The following GALNT18 variants were observed in gnomAD, a reference collection of about 807,000 sequenced individuals.
GALNT18 encodes GalNAc-transferase 18.
GALNT18 carries 44 observed loss-of-function variants against 69.5 expected under a neutral mutation model. The observed-to-expected ratio is 0.63, with a 90% CI of 0.50 to 0.81. GALNT18 has a LOEUF of 0.81. Among genes scored for constraint, GALNT18 ranks in the 40% least tolerant of loss-of-function variants. The probability of loss-of-function intolerance (pLI) is 0.00; values close to 1 mark genes in which losing one functional copy is unlikely to be tolerated. For synonymous variants in GALNT18, 364 were observed against 318.2 expected (o/e 1.14, Z -1.53); for missense variants, 715 against 810.0 (o/e 0.88, Z 1.42).
chr11:11,335,613 T>A (rs1222368389), intron 7 of GALNT18, among the ~76,000 whole-genome samples: 2 of 152,224 alleles, frequency 1.3e-5, no homozygotes, highest in Non-Finnish European at 2.9e-5. Context: ...TCTTTGCAGA[T>A]ATAATTAATT....
At chr11:11,360,663 T>C (rs1290003633) in intron 6 of GALNT18, among the ~76,000 whole-genome samples, 5 of 152,188 alleles carry the variant, frequency 3.3e-5, no homozygotes, top group Non-Finnish European at 7.4e-5. Context: ...GGGTTTTTCT[T>C]GGTGGTAATG....
At chr11:11,442,537 A>G (rs1290436819) in intron 2 of GALNT18, among the ~76,000 whole-genome samples, 1 of 152,108 alleles carries the variant, frequency 6.6e-6, no homozygotes, top group Non-Finnish European at 1.5e-5. Flanking sequence ...TGCCCACCGA[A>G]CACTCAGAGC....
intron 1 of GALNT18, among the ~76,000 whole-genome samples, chr11:11,610,005 A>T (rs566905943): frequency 6.6e-6 from 1 of 152,214 alleles, no homozygotes; most frequent in Non-Finnish European, 1.5e-5. Context: ...TGGGGGAAAA[A>T]ATGATGCAGC....
intron 6 of GALNT18, among the ~76,000 whole-genome samples, chr11:11,365,650 C>A (rs929044923): frequency 6.6e-6 from 1 of 152,154 alleles, no homozygotes; most frequent in African/African-American, 2.4e-5. Flanking sequence ...TCACAAGCAT[C>A]TATTGTTTCC....
chr11:11,555,309 A>G lies in GALNT18; in HGVS notation c.235+66050T>C, dbSNP rs1290330507. Among the ~76,000 whole-genome samples the G allele has an allele frequency of 2.0e-5, 3 of 152,148 alleles. No individual in the cohort carries two copies. The highest frequency in any genetic ancestry group is 2.9e-5 in the Non-Finnish European group (2 of 68,048). ...CTGTTTTCAGGAGATCTAGCTAGAGAGCATTTTCCTGACACAGTGTAAACG... is the reference window on the plus strand; with the variant it reads ...CTGTTTTCAGGAGATCTAGCTAGAGGGCATTTTCCTGACACAGTGTAAACG... On this transcript the variant is annotated intron_variant, in intron 1 of 10. Transcript: ENST00000227756. The surrounding 1 kb of genome is among the most constrained non-coding windows in gnomAD (Gnocchi z 4.7).
intron 2 of GALNT18, among the ~76,000 whole-genome samples, chr11:11,438,379 G>A (rs570646667): frequency 6.6e-6 from 1 of 152,308 alleles, no homozygotes; most frequent in African/African-American, 2.4e-5. Context: ...AGACTGCAGG[G>A]TGTTTGCTGC....
intron 1 of GALNT18, among the ~76,000 whole-genome samples, chr11:11,453,644 TG>T (rs1855856732): frequency 6.6e-6 from 1 of 152,150 alleles, no homozygotes; most frequent in Non-Finnish European, 1.5e-5. Flanking sequence ...AACTGAATCA[TG>T]GGGGCAAGTC....
rs1266505586 is a variant in GALNT18 at position 11,586,633 on chromosome 11, ATT to A, written c.235+34724_235+34725del. ...TTTAAAAAAAATAAAACGTTTCAGCATTTATATTTAGCTGGTATGCACTGGTT... is the reference window on the plus strand; with the variant it reads ...TTTAAAAAAAATAAAACGTTTCAGCATATATTTAGCTGGTATGCACTGGTT... On this transcript the variant is annotated intron_variant, in intron 1 of 10. Transcript: ENST00000227756. This position sits in a 1 kb window ranked among gnomAD's most constrained non-coding sequence, Gnocchi z 4.1. Among the ~76,000 whole-genome samples, 1 of 152,158 alleles carries A rather than the reference ATT, an allele frequency of 6.6e-6. No homozygotes were observed. The highest frequency in any genetic ancestry group is 2.4e-5 in the African/African-American group (1 of 41,418).
At position 11,603,672 on chromosome 11, in the gene GALNT18, A is replaced by T. The variant is rs558270512; in HGVS notation, c.235+17687T>A. On this transcript the variant is annotated intron_variant, in intron 1 of 10. Coordinates refer to ENST00000227756, the MANE Select transcript of GALNT18 (RefSeq NM_198516.3). The surrounding 1 kb of genome is among the most constrained non-coding windows in gnomAD (Gnocchi z 4.5). ...ATTTAAAACTCATTTTCTCTCCCTA[A>T]AAAGATCTATGGATTTTATTGGATC... Among the ~76,000 whole-genome samples, 2 of 152,294 alleles carry T rather than the reference A, an allele frequency of 1.3e-5. No individual in the cohort carries two copies. Among genetic ancestry groups the T allele is most frequent in the South Asian group, 4.2e-4 (2 of 4,814 alleles).
In GALNT18 at chr11:11,339,229, G is replaced by A. The variant is rs1013745887; in HGVS notation, c.1278+1590C>T. Among the ~76,000 whole-genome samples the A allele has an allele frequency of 1.3e-5, 2 of 152,140 alleles. No homozygotes were observed. Reference sequence around the variant, plus strand: ...CAATTCCACCTCTTACCTGTCTTGTGTTCACTTCCCCCTACCCATTTGATT... The same window carrying A: ...CAATTCCACCTCTTACCTGTCTTGTATTCACTTCCCCCTACCCATTTGATT... On this transcript the variant is annotated intron_variant, in intron 7 of 10. Transcript: ENST00000227756. This position sits in a 1 kb window ranked among gnomAD's most constrained non-coding sequence, Gnocchi z 5.2.
At chr11:11,569,247 G>GAAA (rs11426572) in intron 1 of GALNT18, among the ~76,000 whole-genome samples, 27,941 of 135,632 alleles carry the variant, frequency 0.21, 3,569 homozygotes, top group South Asian at 0.35. Context: ...AGGCTGAAGG[G>GAAA]AAAAAAAAAA....
At chr11:11,438,444 A>G (rs1366302070) in intron 2 of GALNT18, among the ~76,000 whole-genome samples, 22 of 152,220 alleles carry the variant, frequency 1.4e-4, no homozygotes, top group Admixed American at 1.4e-3. Flanking sequence ...TGTTTACCAT[A>G]TGCCAGAAAC....
rs533897306 is a variant in GALNT18, at chr11:11,550,701, A to G, written c.235+70658T>C. Among the ~76,000 whole-genome samples the G allele has an allele frequency of 3.9e-5, 6 of 152,324 alleles. No individual in the cohort carries two copies. In the East Asian group the frequency reaches 5.8e-4, roughly 15 times the overall value. On this transcript the variant is annotated intron_variant, in intron 1 of 10. Coordinates refer to ENST00000227756, the MANE Select transcript of GALNT18 (RefSeq NM_198516.3). ...GCATTATCCAACAGAACTTTCCGCAATGGAAATGGTCTAGATCTGCGCTGT... is the reference window on the plus strand; with the variant it reads ...GCATTATCCAACAGAACTTTCCGCAGTGGAAATGGTCTAGATCTGCGCTGT...
At chr11:11,301,182 C>A (rs1425936944) in intron 9 of GALNT18, among the ~76,000 whole-genome samples, 1 of 152,166 alleles carries the variant, frequency 6.6e-6, no homozygotes, top group African/African-American at 2.4e-5. Context: ...AATAGGTCTG[C>A]AGGTAGGAGT....
At chr11:11,303,330 C>G (rs925507701) in intron 9 of GALNT18, among the ~76,000 whole-genome samples, 2 of 152,174 alleles carry the variant, frequency 1.3e-5, no homozygotes, top group Non-Finnish European at 2.9e-5. Context: ...AGCAGCCCCC[C>G]ACTGCTAACC....
At chr11:11,477,491 G>A (rs1490244368) in intron 1 of GALNT18, among the ~76,000 whole-genome samples, 1 of 152,166 alleles carries the variant, frequency 6.6e-6, no homozygotes, top group East Asian at 1.9e-4. Context: ...AGTCAAGTGG[G>A]AAGCCTCCTG....
chr11:11,519,522 GA>G (rs1857349314), intron 1 of GALNT18, among the ~76,000 whole-genome samples: 1 of 152,214 alleles, frequency 6.6e-6, no homozygotes, highest in Non-Finnish European at 1.5e-5. Context: ...GCAGTGTTGG[GA>G]AAGGTGAGGA....
rs779014443 is a variant in GALNT18, at chr11:11,497,946, T to TA, written c.236-49011dup. Among the ~76,000 whole-genome samples the TA allele has an allele frequency of 1.3e-5, 2 of 151,834 alleles. No individual in the cohort carries two copies. Among genetic ancestry groups the TA allele is most frequent in the East Asian group, 1.9e-4 (1 of 5,182 alleles). On this transcript the variant is annotated intron_variant, in intron 1 of 10. Transcript: ENST00000227756. This position sits in a 1 kb window ranked among gnomAD's most constrained non-coding sequence, Gnocchi z 4.2. ...CATTTTTCAGGCCTTGTTCAGCTGG[T>TA]AAAAAAAATAAAAAATAAAATTATA... is the stretch of plus-strand genomic sequence containing the variant.
rs1451102855 is a variant in GALNT18 at position 11,617,489 on chromosome 11, T to C, written c.235+3870A>G. 6.6e-6 allele frequency among the ~76,000 whole-genome samples: 1 copy of C among 152,180 alleles called. No homozygotes were observed. Among genetic ancestry groups the C allele is most frequent in the African/African-American group, 2.4e-5 (1 of 41,454 alleles). ...TAGCAAATATGGAAAAAATAGTGCT[T>C]CGTTAACAAAAAGAAAGTGAACAAA... is the stretch of plus-strand genomic sequence containing the variant. On this transcript the variant is annotated intron_variant, in intron 1 of 10. Coordinates refer to ENST00000227756, the MANE Select transcript of GALNT18 (RefSeq NM_198516.3). The surrounding 1 kb of genome is among the most constrained non-coding windows in gnomAD (Gnocchi z 4.7).
Sources: allele counts gnomAD v4.1 joint callset (sites outside exome capture counted in the v4.1 genomes callset), GRCh38; gene constraint gnomAD v4.1.1; non-coding constraint Gnocchi (gnomAD v3.1); transcripts MANE v1.5; gene names NCBI Gene and HGNC (gene_info 2026-07-23, HGNC 2026-07-21).